The following PVT1 variants were observed in gnomAD, a reference collection of about 807,000 sequenced individuals.
PVT1 encodes CXCR4/PVT1 fusion.
intron 3 of PVT1, among the ~76,000 whole-genome samples, chr8:127,938,857 A>C (rs1390980097): frequency 6.6e-6 from 1 of 152,206 alleles, no homozygotes; most frequent in Non-Finnish European, 1.5e-5. Context: ...ATGCATGCTC[A>C]CACAGGGAAG....
chr8:127,968,818 C>G (rs1190945097), intron 3 of PVT1, among the ~76,000 whole-genome samples: 1 of 152,198 alleles, frequency 6.6e-6, no homozygotes, highest in Admixed American at 6.5e-5. Flanking sequence ...CAGACACACT[C>G]TGGGAGGAAG....
intron 4 of PVT1, among the ~76,000 whole-genome samples, chr8:127,994,087 C>T (rs889458672): frequency 1.2e-4 from 19 of 152,200 alleles, no homozygotes; most frequent in Non-Finnish European, 1.3e-4. Context: ...CCTGCCTGTT[C>T]TCCCAGCACA....
At chr8:127,891,988 G>A (rs188011385) in intron 3 of PVT1, among the ~76,000 whole-genome samples, 13 of 152,358 alleles carry the variant, frequency 8.5e-5, no homozygotes, top group Non-Finnish European at 1.6e-4. Context: ...AGCTCTGAGC[G>A]ATGAGTGGTG....
At chr8:128,057,657 C>CT (rs1467626459) in intron 4 of PVT1, among the ~76,000 whole-genome samples, 2 of 152,214 alleles carry the variant, frequency 1.3e-5, no homozygotes, top group Non-Finnish European at 2.9e-5. Flanking sequence ...TCTGTTCAGC[C>CT]TTTCAGTTCA....
intron 4 of PVT1, among the ~76,000 whole-genome samples, chr8:128,050,853 C>A (rs1242169832): frequency 2.6e-5 from 4 of 152,248 alleles, no homozygotes; most frequent in African/African-American, 9.6e-5. Flanking sequence ...CACCTGTCCT[C>A]AAGTTCCATT....
chr8:127,843,227 A>ATGCC (rs1814992129), intron 2 of PVT1, among the ~76,000 whole-genome samples: 1 of 152,082 alleles, frequency 6.6e-6, no homozygotes. Context: ...GTGATGGTGC[A>ATGCC]TGCCTGTAAT....
intron 2 of PVT1, among the ~76,000 whole-genome samples, chr8:127,823,544 C>T (rs1409903641): frequency 6.6e-6 from 1 of 152,166 alleles, no homozygotes; most frequent in African/African-American, 2.4e-5. Context: ...CAGGTCAGTA[C>T]CTCTAAAGAA....
intron 2 of PVT1, among the ~76,000 whole-genome samples, chr8:127,803,938 C>A (rs767514938): frequency 2.0e-5 from 3 of 151,904 alleles, no homozygotes; most frequent in Admixed American, 6.6e-5. Context: ...TCAGGCTGAT[C>A]TCGAACTCCT....
At chr8:128,095,025 G>A (rs561351284) in intron 5 of PVT1, among the ~76,000 whole-genome samples, 32 of 152,322 alleles carry the variant, frequency 2.1e-4, no homozygotes, top group Non-Finnish European at 3.1e-4. Flanking sequence ...GCTGGACAGC[G>A]TCCACTGCAT....
chr8:127,934,232 G>A (rs1816245262), intron 3 of PVT1, among the ~76,000 whole-genome samples: 1 of 152,182 alleles, frequency 6.6e-6, no homozygotes, highest in Non-Finnish European at 1.5e-5. Flanking sequence ...CTTTTTGGGG[G>A]AAGGATGCTG....
chr8:127,801,846 C>T (rs1186666240), intron 2 of PVT1, among the ~76,000 whole-genome samples: 1 of 152,084 alleles, frequency 6.6e-6, no homozygotes, highest in African/African-American at 2.4e-5. Flanking sequence ...GTGTTAAACA[C>T]ACATTGGATT....
At chr8:128,021,820 C>T (rs1448240880) in intron 4 of PVT1, among the ~76,000 whole-genome samples, 4 of 152,188 alleles carry the variant, frequency 2.6e-5, no homozygotes. Flanking sequence ...CTTTCTCCTT[C>T]ATTCTTGATT....
chr8:127,883,096 G>A (rs7814278), intron 2 of PVT1, among the ~76,000 whole-genome samples: 108,331 of 151,332 alleles, frequency 0.72, 39,963 homozygotes, highest in African/African-American at 0.91. Flanking sequence ...AGACACATGC[G>A]GAGTCCAGAA....
At chr8:128,009,896 G>A (rs1327893441) in intron 4 of PVT1, among the ~76,000 whole-genome samples, 1 of 152,150 alleles carries the variant, frequency 6.6e-6, no homozygotes. Context: ...TCTGACATAG[G>A]AACTACATTT....
chr8:128,088,834 T>A (rs1330623754), intron 5 of PVT1, among the ~76,000 whole-genome samples: 1 of 152,238 alleles, frequency 6.6e-6, no homozygotes, highest in Non-Finnish European at 1.5e-5. Flanking sequence ...AAGAGGCTAT[T>A]TTGCTAGTTG....
At chr8:128,076,005 C>A (rs16902621) in intron 5 of PVT1, among the ~76,000 whole-genome samples, 1 of 152,122 alleles carries the variant, frequency 6.6e-6, no homozygotes, top group South Asian at 2.1e-4. Flanking sequence ...ATGTAAAATT[C>A]GAAGTGTTGT....
At chr8:128,008,254 T>G (rs74915171) in intron 4 of PVT1, among the ~76,000 whole-genome samples, 2,489 of 152,324 alleles carry the variant, frequency 0.016, 67 homozygotes, top group African/African-American at 0.056. Context: ...GTGGATTTAT[T>G]TTTGTGCAGG....
intron 3 of PVT1, among the ~76,000 whole-genome samples, chr8:127,922,282 C>T (rs1205040088): frequency 7.0e-6 from 1 of 143,874 alleles, no homozygotes; most frequent in South Asian, 2.3e-4. Context: ...ACCCACCCCC[C>T]CCCCCACCAA....
intron 5 of PVT1, among the ~76,000 whole-genome samples, chr8:128,094,563 C>CA (rs1563685525): frequency 6.6e-6 from 1 of 152,256 alleles, no homozygotes; most frequent in Admixed American, 6.5e-5. Flanking sequence ...TGGCCCATTA[C>CA]AAAAAAATTT....
Sources: allele counts gnomAD v4.1 joint callset (sites outside exome capture counted in the v4.1 genomes callset), GRCh38; gene constraint gnomAD v4.1.1; transcripts MANE v1.5; gene names NCBI Gene and HGNC (gene_info 2026-07-23, HGNC 2026-07-21).